The following SLIT3 variants were observed in gnomAD, a reference collection of about 807,000 sequenced individuals.
SLIT3 encodes the protein slit homolog 3 protein.
Under a neutral mutation model 184.0 loss-of-function variants are expected in SLIT3, and 68 were observed. The observed-to-expected ratio is 0.37, with a 90% CI of 0.30 to 0.45. SLIT3 has a LOEUF of 0.45. SLIT3 is among the 20% of genes least tolerant of loss of function. SLIT3 has a pLI of 1.00. For synonymous variants in SLIT3, 831 were observed against 828.6 expected (o/e 1.00, Z -0.05); for missense variants, 1,707 against 2,026.0 (o/e 0.84, Z 3.02).
At chr5:168,924,066 G>A (rs544436168) in intron 4 of SLIT3, among the ~76,000 whole-genome samples, 1 of 152,336 alleles carries the variant, frequency 6.6e-6, no homozygotes, top group African/African-American at 2.4e-5. Flanking sequence ...CCAACCACTG[G>A]ACTAGATAGA....
chr5:169,222,874 G>C (rs549393838), intron 3 of SLIT3, among the ~76,000 whole-genome samples: 1 of 152,134 alleles, frequency 6.6e-6, no homozygotes, highest in Non-Finnish European at 1.5e-5. Flanking sequence ...CCAGCCCACC[G>C]TTGACCAAAG....
At chr5:169,096,442 G>A (rs1759784832) in intron 4 of SLIT3, among the ~76,000 whole-genome samples, 1 of 152,214 alleles carries the variant, frequency 6.6e-6, no homozygotes. Context: ...TTTAGGCTCT[G>A]CAAGTCTTAA....
At chr5:168,957,410 G>A (rs866715353) in intron 4 of SLIT3, among the ~76,000 whole-genome samples, 15 of 152,248 alleles carry the variant, frequency 9.9e-5, no homozygotes, top group South Asian at 4.1e-4. Context: ...GGCTGTGAAA[G>A]GCTTCGTGTT....
At chr5:168,898,390 G>A (rs922928415) in intron 4 of SLIT3, among the ~76,000 whole-genome samples, 2 of 110,540 alleles carry the variant, frequency 1.8e-5, no homozygotes, top group Non-Finnish European at 3.9e-5. Flanking sequence ...TTTTTATGGA[G>A]GGAGACTTTT....
intron 3 of SLIT3, among the ~76,000 whole-genome samples, chr5:169,237,770 G>A (rs1017051359): frequency 6.6e-6 from 1 of 152,042 alleles, no homozygotes; most frequent in East Asian, 1.9e-4. Flanking sequence ...AGTGGTATCT[G>A]CTTACTGTTG....
At chr5:169,220,035 A>G (rs1358132317) in intron 3 of SLIT3, among the ~76,000 whole-genome samples, 3 of 152,104 alleles carry the variant, frequency 2.0e-5, no homozygotes, top group Non-Finnish European at 4.4e-5. Flanking sequence ...ACCAATCCCA[A>G]TGATGGGGAT....
chr5:169,005,009 T>C (rs1400664236), intron 4 of SLIT3, among the ~76,000 whole-genome samples: 1 of 152,328 alleles, frequency 6.6e-6, no homozygotes, highest in East Asian at 1.9e-4. Context: ...AATTGAGGGT[T>C]TGTGGCAACC....
intron 16 of SLIT3, among the ~76,000 whole-genome samples, chr5:168,758,498 G>C (rs1755029328): frequency 6.6e-6 from 1 of 152,204 alleles, no homozygotes; most frequent in Admixed American, 6.5e-5. Context: ...GAAATAAAAA[G>C]AATAATTCCT....
At chr5:168,708,755 C>A in intron 25 of SLIT3, 1 of 153,426 alleles carries the variant, frequency 6.5e-6, no homozygotes, top group Non-Finnish European at 1.5e-5. Flanking sequence ...CTGTGTCCTG[C>A]TGCTGCAGCC....
chr5:168,956,791 A>G (rs1762842629), intron 4 of SLIT3, among the ~76,000 whole-genome samples: 1 of 151,472 alleles, frequency 6.6e-6, no homozygotes, highest in Non-Finnish European at 1.5e-5. Context: ...CACTCCATCA[A>G]AACAAACAAC....
At chr5:168,708,935 C>T (rs1762459549) in intron 25 of SLIT3, among the ~76,000 whole-genome samples, 1 of 152,084 alleles carries the variant, frequency 6.6e-6, no homozygotes, top group Admixed American at 6.5e-5. Flanking sequence ...ACCAGGGGCT[C>T]AACCCGACTT....
At chr5:169,199,009 TACACAC>T (rs562637290) in intron 3 of SLIT3, among the ~76,000 whole-genome samples, 4 of 146,378 alleles carry the variant, frequency 2.7e-5, no homozygotes, top group Non-Finnish European at 4.5e-5. Context: ...TATATATAAA[TACACAC>T]ACACACACAC....
At chr5:168,759,881 G>A (rs1219402805) in intron 16 of SLIT3, among the ~76,000 whole-genome samples, 4 of 152,172 alleles carry the variant, frequency 2.6e-5, no homozygotes, top group Non-Finnish European at 5.9e-5. Context: ...TGAAGTAGGG[G>A]GTGGGGTAAG....
chr5:168,692,903 C>A (rs999414215), intron 28 of SLIT3, among the ~76,000 whole-genome samples: 3 of 152,284 alleles, frequency 2.0e-5, no homozygotes, highest in Middle Eastern at 3.4e-3. Flanking sequence ...TTGGCAGTGA[C>A]CACGGGAAGA....
At chr5:169,047,323 C>T (rs1321254794) in intron 4 of SLIT3, among the ~76,000 whole-genome samples, 5 of 152,142 alleles carry the variant, frequency 3.3e-5, no homozygotes, top group East Asian at 3.9e-4. Flanking sequence ...CCTCTTCTCC[C>T]GCTTTCAAAT....
At chr5:168,762,772 A>G in intron 14 of SLIT3, 83 bp from the exon 15 acceptor site, 2 of 1,418,614 alleles carry the variant, frequency 1.4e-6, no homozygotes, top group Non-Finnish European at 2.0e-6. Context: ...GGTGGGAGAC[A>G]GAGATGGGGG....
intron 4 of SLIT3, among the ~76,000 whole-genome samples, chr5:169,123,866 G>A (rs1194039468): frequency 6.6e-6 from 1 of 152,042 alleles, no homozygotes; most frequent in African/African-American, 2.4e-5. Context: ...ATGTTCTAGG[G>A]GGCCAAAAAA....
At chr5:168,744,328 A>G (rs1763731763) in intron 20 of SLIT3, among the ~76,000 whole-genome samples, 2 of 152,208 alleles carry the variant, frequency 1.3e-5, no homozygotes, top group African/African-American at 2.4e-5. Context: ...TATCTTCATA[A>G]CAGGAAAGTG....
chr5:168,736,583 G>A (rs1050975300), intron 20 of SLIT3, among the ~76,000 whole-genome samples: 2 of 152,204 alleles, frequency 1.3e-5, no homozygotes, highest in African/African-American at 4.8e-5. Context: ...CAGCTGTCAG[G>A]ATGGACATAG....
Sources: gnomAD v4.1 joint callset for allele counts (sites outside exome capture counted in the v4.1 genomes callset) on GRCh38, gnomAD v4.1.1 for gene constraint, MANE v1.5 for transcripts, NCBI Gene and HGNC (gene_info 2026-07-23, HGNC 2026-07-21) for gene names.